Variants in TIMP3 observed in about 807,000 individuals in gnomAD.
The protein encoded by TIMP3 is TIMP metallopeptidase inhibitor 3.
In TIMP3, 11 loss-of-function variants were observed where a neutral mutation model predicts 30.0. That is an observed-to-expected ratio of 0.37 (90% CI 0.23 to 0.61). The LOEUF (loss-of-function observed/expected upper bound fraction) is 0.61, where lower values mean the gene tolerates loss of function less well. TIMP3 is among the 20% of genes least tolerant of loss of function. TIMP3 has a pLI of 0.70. For missense variants in TIMP3, 181 were observed against 276.8 expected (o/e 0.65, Z 2.45); for synonymous variants, 112 against 111.3 (o/e 1.01, Z -0.04).
At chr22:32,858,195 A>T (rs2048429701) in intron 4 of TIMP3, 57 bp downstream of exon 4, 1 of 1,603,832 alleles carries the variant, frequency 6.2e-7, no homozygotes, top group Admixed American at 1.7e-5. Flanking sequence ...AGCCCTAGAA[A>T]CATCAGCTCC....
At chr22:32,816,377 T>C (rs1393109155) in intron 1 of TIMP3, among the ~76,000 whole-genome samples, 5 of 152,026 alleles carry the variant, frequency 3.3e-5, no homozygotes, top group African/African-American at 1.2e-4. Context: ...ATACTGAAAA[T>C]GGGTCATTGG....
At chr22:32,820,261 T>TGC (rs1254249208) in intron 1 of TIMP3, among the ~76,000 whole-genome samples, 14 of 147,784 alleles carry the variant, frequency 9.5e-5, no homozygotes, top group Middle Eastern at 3.5e-3. Context: ...TGTGTGTGTG[T>TGC]GCGTGCGCGT....
intron 2 of TIMP3, among the ~76,000 whole-genome samples, chr22:32,851,485 C>T (rs2048216085): frequency 6.6e-6 from 1 of 152,140 alleles, no homozygotes; most frequent in Non-Finnish European, 1.5e-5. Context: ...CAGACACTCC[C>T]ACTCCCAGGC....
chr22:32,822,883 T>G (rs911135540), intron 1 of TIMP3, among the ~76,000 whole-genome samples: 1 of 151,580 alleles, frequency 6.6e-6, no homozygotes, highest in Non-Finnish European at 1.5e-5. Context: ...GGTGCACTTT[T>G]GAGTAACAGA....
At chr22:32,847,540 A>G (rs2048102732) in intron 1 of TIMP3, among the ~76,000 whole-genome samples, 1 of 152,212 alleles carries the variant, frequency 6.6e-6, no homozygotes, top group Non-Finnish European at 1.5e-5. Flanking sequence ...GTAGGATCCA[A>G]GCTCATTTGG....
chr22:32,815,816 T>A (rs2047074881), intron 1 of TIMP3, among the ~76,000 whole-genome samples: 1 of 152,002 alleles, frequency 6.6e-6, no homozygotes, highest in South Asian at 2.1e-4. Flanking sequence ...GACTCCAGAG[T>A]CCGAGCAATC....
At chr22:32,826,695 T>C (rs922313309) in intron 1 of TIMP3, among the ~76,000 whole-genome samples, 3 of 152,302 alleles carry the variant, frequency 2.0e-5, no homozygotes, top group East Asian at 3.9e-4. Context: ...GTTAGCCTAT[T>C]TGAGCTGGAA....
intron 1 of TIMP3, among the ~76,000 whole-genome samples, chr22:32,834,774 A>T (rs1165871505): frequency 6.6e-6 from 1 of 152,142 alleles, no homozygotes. Flanking sequence ...TATGATTCCT[A>T]TCTGGTACAG....
At chr22:32,833,524 T>C (rs1391539024) in intron 1 of TIMP3, among the ~76,000 whole-genome samples, 1 of 152,052 alleles carries the variant, frequency 6.6e-6, no homozygotes, top group East Asian at 1.9e-4. Flanking sequence ...GTAGAAGAAA[T>C]TCAAAGGAGC....
chr22:32,812,832 C>A, intron 1 of TIMP3, among the ~76,000 whole-genome samples: 1 of 152,306 alleles, frequency 6.6e-6, no homozygotes, highest in African/African-American at 2.4e-5. Context: ...CAGGGAGAAA[C>A]CCCAGTGACA....
intron 1 of TIMP3, among the ~76,000 whole-genome samples, chr22:32,832,202 CAA>C: frequency 1.3e-5 from 2 of 152,334 alleles, no homozygotes; most frequent in Admixed American, 1.3e-4. Context: ...TGTCTTAACT[CAA>C]GTTTGACTTT....
chr22:32,829,680 G>A (rs1224965549), intron 1 of TIMP3, among the ~76,000 whole-genome samples: 4 of 152,194 alleles, frequency 2.6e-5, no homozygotes, highest in Admixed American at 6.5e-5. Context: ...GGACAATGCC[G>A]GTCCCCGGGC....
intron 1 of TIMP3, among the ~76,000 whole-genome samples, chr22:32,835,449 G>T (rs1222024941): frequency 6.6e-6 from 1 of 152,122 alleles, no homozygotes; most frequent in Non-Finnish European, 1.5e-5. Flanking sequence ...CAAAACAGGG[G>T]TTCTGTTCTA....
chr22:32,838,423 A>G (rs2047799018), intron 1 of TIMP3, among the ~76,000 whole-genome samples: 1 of 152,182 alleles, frequency 6.6e-6, no homozygotes, highest in African/African-American at 2.4e-5. Flanking sequence ...AGGAGTCAGC[A>G]GGTCTAGCAA....
intron 1 of TIMP3, among the ~76,000 whole-genome samples, chr22:32,849,035 A>C (rs535185952): frequency 1.3e-5 from 2 of 152,352 alleles, no homozygotes; most frequent in South Asian, 4.1e-4. Flanking sequence ...TGAGGTGGTT[A>C]GAAAGGGGTC....
At chr22:32,852,648 T>C (rs1039739828) in intron 2 of TIMP3, among the ~76,000 whole-genome samples, 1 of 152,144 alleles carries the variant, frequency 6.6e-6, no homozygotes, top group African/African-American at 2.4e-5. Context: ...CTCTCACTGA[T>C]GGAAGGCAGG....
chr22:32,803,128 AAGTCC>A (rs2046634942), intron 1 of TIMP3, among the ~76,000 whole-genome samples: 1 of 152,138 alleles, frequency 6.6e-6, no homozygotes, highest in Non-Finnish European at 1.5e-5. Context: ...TAAAGCGTGC[AAGTCC>A]AGTGGCTCTG....
chr22:32,805,638 C>G (rs536091002), intron 1 of TIMP3, among the ~76,000 whole-genome samples: 1 of 150,954 alleles, frequency 6.6e-6, no homozygotes, highest in African/African-American at 2.4e-5. Context: ...CCCGACCCCC[C>G]ACAGCAACCT....
At position 32,859,421 on chromosome 22, in the gene TIMP3, G is replaced by C. The variant is rs764586909; in HGVS notation, c.*44G>C. 10 of 1,580,880 alleles carry C rather than the reference G, an allele frequency of 6.3e-6. No homozygotes were observed. The Admixed American group carries it at 1.2e-4, about 20-fold the overall frequency. The stretch of plus-strand genomic sequence containing the variant: ...CCTCACTTCCCTCCCTTCCCGCTGA[G>C]CTTCCCTTGGACACTAACTCTTCCC... On this transcript the variant is annotated 3_prime_UTR_variant, in exon 5 of 5. Coordinates refer to ENST00000266085, the MANE Select transcript of TIMP3 (RefSeq NM_000362.5).
Sources: gnomAD v4.1 joint callset for allele counts (sites outside exome capture counted in the v4.1 genomes callset) on GRCh38, gnomAD v4.1.1 for gene constraint, MANE v1.5 for transcripts, NCBI Gene and HGNC (gene_info 2026-07-23, HGNC 2026-07-21) for gene names.